The following GNA12 variants were observed in gnomAD, a reference collection of about 807,000 sequenced individuals.
GNA12 encodes guanine nucleotide-binding protein subunit alpha-12.
In GNA12, 9 loss-of-function variants were observed where a neutral mutation model predicts 26.0. That is an observed-to-expected ratio of 0.35 (90% CI 0.21 to 0.60). The LOEUF (loss-of-function observed/expected upper bound fraction) is 0.60, where lower values mean the gene tolerates loss of function less well. Ranked by LOEUF, GNA12 falls within the 20% of genes least tolerant of loss-of-function variation. The pLI is 0.78. For synonymous variants in GNA12, 264 were observed against 219.6 expected (o/e 1.20, Z -1.79); for missense variants, 405 against 525.8 (o/e 0.77, Z 2.25).
chr7:2,838,604 T>C (rs888958731), intron 1 of GNA12, among the ~76,000 whole-genome samples: 8 of 152,154 alleles, frequency 5.3e-5, no homozygotes, highest in African/African-American at 1.4e-4. Context: ...ACAGTCATAA[T>C]AATGACTTTA....
At chr7:2,790,723 C>A (rs542497202) in intron 2 of GNA12, among the ~76,000 whole-genome samples, 57 of 152,244 alleles carry the variant, frequency 3.7e-4, no homozygotes, top group Non-Finnish European at 7.2e-4. Flanking sequence ...AATCCCAGCA[C>A]TTTGGAAGCC....
At chr7:2,812,636 A>AACATAACATCACATCACATC (rs1793107906) in intron 1 of GNA12, among the ~76,000 whole-genome samples, 1 of 134,094 alleles carries the variant, frequency 7.5e-6, no homozygotes, top group Non-Finnish European at 1.6e-5. Context: ...TCTCAAAAAT[A>AACATAACATCACATCACATC]ACATCACATC....
chr7:2,758,241 T>C (rs532479900), intron 2 of GNA12, among the ~76,000 whole-genome samples: 108 of 152,226 alleles, frequency 7.1e-4, no homozygotes, highest in Non-Finnish European at 1.3e-3. Flanking sequence ...AACAAGGCTT[T>C]AGGGCCGGGT....
intron 2 of GNA12, among the ~76,000 whole-genome samples, chr7:2,755,331 G>T (rs1002897199): frequency 1.3e-5 from 2 of 152,214 alleles, no homozygotes; most frequent in African/African-American, 4.8e-5. Flanking sequence ...TGTCAAATCT[G>T]TGTATCAATC....
intron 2 of GNA12, among the ~76,000 whole-genome samples, chr7:2,737,778 T>C (rs1380303417): frequency 6.6e-6 from 1 of 152,234 alleles, no homozygotes; most frequent in Non-Finnish European, 1.5e-5. Flanking sequence ...AACAGCAAAC[T>C]ATGCCAAAGG....
intron 1 of GNA12, among the ~76,000 whole-genome samples, chr7:2,813,260 G>A (rs2115485005): frequency 6.6e-6 from 1 of 152,302 alleles, no homozygotes. Flanking sequence ...ATGAAACAAA[G>A]TTTCAAACTA....
At position 2,844,279 on chromosome 7, in the gene GNA12, G is replaced by A. The variant is rs1488607574; in HGVS notation, c.-118C>T. Reference sequence around the variant, plus strand: ...CGCCCCGCCGCTCGCCTCAGGCCGCGTCCGCCGCCGCCGCTGCAGTCGCTC... The same window carrying A: ...CGCCCCGCCGCTCGCCTCAGGCCGCATCCGCCGCCGCCGCTGCAGTCGCTC... On this transcript the variant is annotated 5_prime_UTR_variant, in exon 1 of 4. It adds an upstream start codon to the 5' untranslated region. Coordinates refer to ENST00000275364, the MANE Select transcript of GNA12 (RefSeq NM_007353.3). 2.1e-5 allele frequency: 8 copies of A among 382,334 alleles called. No individual in the cohort carries two copies. Among genetic ancestry groups the A allele is most frequent in the Non-Finnish European group, 2.5e-5 (7 of 280,412 alleles). 23.7% of individuals were successfully genotyped at this position (382,334 alleles called of 1,614,324 possible).
At position 2,728,223 on chromosome 7, in the gene GNA12, G is replaced by A. The variant is rs896601440; in HGVS notation, c.*2958C>T. On this transcript the variant is annotated 3_prime_UTR_variant, in exon 4 of 4. Coordinates refer to ENST00000275364, the MANE Select transcript of GNA12 (RefSeq NM_007353.3). ...ATACACTGTGCAAAGCTTACACCATGAACAACTGACCCGGACCACTACCAT... is the reference window on the plus strand; with the variant it reads ...ATACACTGTGCAAAGCTTACACCATAAACAACTGACCCGGACCACTACCAT... 6.6e-6 allele frequency: 1 copy of A among 152,278 alleles called. No homozygotes were observed. Among genetic ancestry groups the A allele is most frequent in the Non-Finnish European group, 1.5e-5 (1 of 68,034 alleles). The allele number at this position is 152,278 out of a possible 1,614,324, so 9.4% of individuals were successfully genotyped here. A position where few individuals can be genotyped will look rare whatever the true frequency, so the allele number is the denominator to read the frequency against.
At chr7:2,762,898 G>A (rs1373804992) in intron 2 of GNA12, 9 of 1,424,936 alleles carry the variant, frequency 6.3e-6, no homozygotes, top group Admixed American at 6.0e-5. Flanking sequence ...TTGGTGCTGC[G>A]GCGGGGAGAA....
chr7:2,760,678 C>T (rs1791512074), intron 2 of GNA12, among the ~76,000 whole-genome samples: 1 of 152,220 alleles, frequency 6.6e-6, no homozygotes, highest in African/African-American at 2.4e-5. Flanking sequence ...CAACCTCCAC[C>T]CTCCAAATCC....
In GNA12 at chr7:2,741,818, T is replaced by G. The variant is rs548393164; in HGVS notation, c.526-8317A>C. On this transcript the variant is annotated intron_variant, in intron 2 of 3. Transcript: ENST00000275364. The stretch of plus-strand genomic sequence containing the variant: ...AACCACGGCAACTTCAGGTGCTGCT[T>G]CAGGAGAACGCCGCAAGGATAAGAG... 1.3e-3 allele frequency among the ~76,000 whole-genome samples: 203 copies of G among 151,018 alleles called. 1 individual carries two copies. Among genetic ancestry groups the G allele is most frequent in the African/African-American group, 4.7e-3 (192 of 41,072 alleles).
intron 2 of GNA12, chr7:2,763,004 C>T (rs1258182883): frequency 3.9e-6 from 5 of 1,280,866 alleles, no homozygotes; most frequent in Non-Finnish European, 3.9e-6. Flanking sequence ...CTGTGGTCGC[C>T]AACAGCCCCG....
At chr7:2,751,070 C>T (rs571385026) in intron 2 of GNA12, among the ~76,000 whole-genome samples, 1 of 152,088 alleles carries the variant, frequency 6.6e-6, no homozygotes, top group Non-Finnish European at 1.5e-5. Flanking sequence ...TACAGCATTT[C>T]GGGGAGAAAT....
At chr7:2,779,078 G>C (rs1199895640) in intron 2 of GNA12, among the ~76,000 whole-genome samples, 1 of 152,172 alleles carries the variant, frequency 6.6e-6, no homozygotes, top group Non-Finnish European at 1.5e-5. Context: ...ATTAGCTGAG[G>C]CTGGGCGTGG....
chr7:2,791,982 T>TACAAATGCATCACTGACTAC lies in GNA12; in HGVS notation c.525+2926_525+2945dup, dbSNP rs796253509. On this transcript the variant is annotated intron_variant, in intron 2 of 3. Coordinates refer to ENST00000275364, the MANE Select transcript of GNA12 (RefSeq NM_007353.3). ...CTCTGCATCTGATTATTACAGACTT[T>TACAAATGCATCACTGACTAC]ACAAATGCATCACTGACTACAACAG... Among the ~76,000 whole-genome samples the TACAAATGCATCACTGACTAC allele has an allele frequency of 4.5e-4, 69 of 152,332 alleles. 1 individual carries two copies. Among genetic ancestry groups the TACAAATGCATCACTGACTAC allele is most frequent in the African/African-American group, 1.2e-3 (51 of 41,566 alleles).
At chr7:2,802,607 A>G (rs1792838688) in intron 1 of GNA12, among the ~76,000 whole-genome samples, 1 of 152,196 alleles carries the variant, frequency 6.6e-6, no homozygotes, top group Non-Finnish European at 1.5e-5. Flanking sequence ...TTTCTACAAG[A>G]TGAAACAGTT....
intron 1 of GNA12, among the ~76,000 whole-genome samples, chr7:2,799,409 G>A (rs774269473): frequency 7.9e-5 from 12 of 152,164 alleles, no homozygotes; most frequent in Admixed American, 6.5e-4. Flanking sequence ...GTGAGACCTC[G>A]TCTCTACAAA....
intron 2 of GNA12, among the ~76,000 whole-genome samples, chr7:2,789,947 C>T (rs988994402): frequency 2.0e-5 from 3 of 152,218 alleles, no homozygotes; most frequent in East Asian, 1.9e-4. Flanking sequence ...GCTCACAAAG[C>T]GCCTCTGGTT....
At chr7:2,814,102 T>G (rs893786267) in intron 1 of GNA12, among the ~76,000 whole-genome samples, 14 of 152,194 alleles carry the variant, frequency 9.2e-5, no homozygotes, top group African/African-American at 2.9e-4. Context: ...GGACATGAGC[T>G]GAGTTTGAAT....
Sources: gnomAD v4.1 joint callset for allele counts (sites outside exome capture counted in the v4.1 genomes callset) on GRCh38, gnomAD v4.1.1 for gene constraint, MANE v1.5 for transcripts, NCBI Gene and HGNC (gene_info 2026-07-23, HGNC 2026-07-21) for gene names.